CEP290: variants seen among roughly 807,000 people sequenced by gnomAD.
CEP290 encodes centrosomal protein of 290 kDa.
A neutral mutation model predicts 344.9 loss-of-function variants in CEP290; 317 were observed. The ratio of observed to expected loss-of-function variants is 0.92; its 90% CI spans 0.84 to 1.01. The LOEUF (loss-of-function observed/expected upper bound fraction) is 1.01, where lower values mean the gene tolerates loss of function less well. Among genes scored for constraint, CEP290 ranks in the 50% least tolerant of loss-of-function variants. The probability of loss-of-function intolerance (pLI) is 0.00; values close to 1 mark genes in which losing one functional copy is unlikely to be tolerated. For missense variants in CEP290, 2,754 were observed against 2,761.4 expected (o/e 1.00, Z 0.06); for synonymous variants, 932 against 895.8 (o/e 1.04, Z -0.72).
chr12:88,088,177 C>G (rs910605701), intron 31 of CEP290, among the ~76,000 whole-genome samples: 1 of 152,156 alleles, frequency 6.6e-6, no homozygotes, highest in Non-Finnish European at 1.5e-5. Flanking sequence ...GAATGGACAT[C>G]ACTAATATTC....
intron 43 of CEP290, among the ~76,000 whole-genome samples, chr12:88,069,232 T>C (rs747964501): frequency 2.6e-5 from 4 of 152,184 alleles, no homozygotes; most frequent in Non-Finnish European, 4.4e-5. Context: ...CTCTTATCTC[T>C]GCTAGGGTTC....
chr12:88,067,880 A>C (rs1054421404), intron 44 of CEP290, among the ~76,000 whole-genome samples: 2 of 152,222 alleles, frequency 1.3e-5, no homozygotes, highest in Admixed American at 1.3e-4. Flanking sequence ...CCAATTATGT[A>C]AGTCATCTTT....
chr12:88,127,956 CA>C (rs1195887211), intron 11 of CEP290, among the ~76,000 whole-genome samples: 1 of 152,134 alleles, frequency 6.6e-6, no homozygotes, highest in African/African-American at 2.4e-5. Context: ...ATACATATAA[CA>C]TGTCACCATT....
intron 20 of CEP290, among the ~76,000 whole-genome samples, 167 bp downstream of exon 20, chr12:88,114,251 TAG>T (rs2038903506): frequency 1.3e-5 from 2 of 152,060 alleles, no homozygotes; most frequent in Admixed American, 6.5e-5. Context: ...ATCCAATTGG[TAG>T]AAGAAAAGTA....
intron 1 of CEP290, 128 bp from the exon 2 acceptor site, chr12:88,141,462 A>ACAAAATAGACAAGTGGG: frequency 2.2e-6 from 1 of 460,344 alleles, no homozygotes; most frequent in South Asian, 4.6e-5. Flanking sequence ...CAATTGGGCC[A>ACAAAATAGACAAGTGGG]CAAAATAGAC....
chr12:88,132,540 T>C (rs538547607), intron 6 of CEP290, among the ~76,000 whole-genome samples: 1 of 152,318 alleles, frequency 6.6e-6, no homozygotes, highest in Non-Finnish European at 1.5e-5. Context: ...CAAGCTGAAA[T>C]ATTTAAGTGC....
chr12:88,131,109 G>T, intron 7 of CEP290, 56 bp downstream of exon 7: 2 of 1,280,822 alleles, frequency 1.6e-6, no homozygotes, highest in Non-Finnish European at 2.1e-6. Context: ...GTAAACTTAG[G>T]TACTTATTTT....
intron 28 of CEP290, among the ~76,000 whole-genome samples, chr12:88,093,128 C>T (rs1292423814): frequency 6.6e-6 from 1 of 152,006 alleles, no homozygotes; most frequent in East Asian, 1.9e-4. Flanking sequence ...GCAATCTGCT[C>T]ATTATATTTT....
intron 28 of CEP290, among the ~76,000 whole-genome samples, chr12:88,093,094 C>G (rs2037169704): frequency 6.6e-6 from 1 of 152,048 alleles, no homozygotes; most frequent in Non-Finnish European, 1.5e-5. Flanking sequence ...TCTGAACTTG[C>G]AATATTCTTA....
chr12:88,072,785 G>C (rs1162037627), intron 41 of CEP290, among the ~76,000 whole-genome samples: 1 of 152,034 alleles, frequency 6.6e-6, no homozygotes, highest in African/African-American at 2.4e-5. Context: ...AATAAAATCA[G>C]ATAAAAAAGT....
intron 27 of CEP290, 151 bp downstream of exon 27, chr12:88,096,737 C>T (rs2037460076): frequency 2.0e-6 from 1 of 510,888 alleles, no homozygotes; most frequent in South Asian, 2.9e-5. Flanking sequence ...CAGGATTATT[C>T]ATCTGCCTAA....
At chr12:88,098,504 T>C (rs2037627703) in intron 26 of CEP290, among the ~76,000 whole-genome samples, 1 of 151,586 alleles carries the variant, frequency 6.6e-6, no homozygotes, top group African/African-American at 2.4e-5. Flanking sequence ...CCCAGCTATT[T>C]TGGAGGCTGA....
chr12:88,118,583 AAT>A lies in CEP290; in HGVS notation c.1624-15_1624-14del. ...CTAGACTTTCAATCTGCAAAGTATAAATTATTAGTATTTCTCTATAGTTCAGC... is the reference window on the plus strand; with the variant it reads ...CTAGACTTTCAATCTGCAAAGTATAATATTAGTATTTCTCTATAGTTCAGC... On this transcript the variant is annotated splice_polypyrimidine_tract_variant and intron_variant, in intron 16 of 53. Coordinates refer to ENST00000552810, the MANE Select transcript of CEP290 (RefSeq NM_025114.4). 6.2e-7 allele frequency: 1 copy of A among 1,607,892 alleles called. No individual in the cohort carries two copies. Among genetic ancestry groups the A allele is most frequent in the Non-Finnish European group, 8.5e-7 (1 of 1,175,822 alleles).
intron 26 of CEP290, among the ~76,000 whole-genome samples, chr12:88,098,664 T>A (rs1181609296): frequency 6.6e-6 from 1 of 151,224 alleles, no homozygotes; most frequent in Non-Finnish European, 1.5e-5. Flanking sequence ...ACTGAGCCAG[T>A]GAATAATAGA....
At chr12:88,131,972 A>C (rs1274383614) in intron 6 of CEP290, among the ~76,000 whole-genome samples, 1 of 152,218 alleles carries the variant, frequency 6.6e-6, no homozygotes. Context: ...GCCTAGGTTT[A>C]TGTCCCTCAT....
intron 34 of CEP290, among the ~76,000 whole-genome samples, chr12:88,085,652 A>C (rs1375206530): frequency 1.3e-5 from 2 of 152,148 alleles, no homozygotes; most frequent in East Asian, 3.8e-4. Flanking sequence ...ATTTACCTTC[A>C]ACCCTTTAAC....
intron 11 of CEP290, 48 bp from the exon 12 acceptor site, chr12:88,126,486 A>G (rs2039738958): frequency 5.5e-6 from 7 of 1,283,482 alleles, no homozygotes; most frequent in Non-Finnish European, 7.4e-6. Flanking sequence ...AAAGTTAATA[A>G]AACATTCTTC....
chr12:88,110,960 A>T (rs1195668962), intron 22 of CEP290, among the ~76,000 whole-genome samples: 1 of 152,180 alleles, frequency 6.6e-6, no homozygotes, highest in South Asian at 2.1e-4. Context: ...AATGGTATAA[A>T]TTGCTTTTAT....
intron 1 of CEP290, among the ~76,000 whole-genome samples, chr12:88,141,545 G>A (rs2040669182): frequency 6.6e-6 from 1 of 152,062 alleles, no homozygotes; most frequent in Admixed American, 6.5e-5. Context: ...TAAATAAAAT[G>A]TGACGGCTTC....
Sources: gnomAD v4.1 joint callset for allele counts (sites outside exome capture counted in the v4.1 genomes callset) on GRCh38, gnomAD v4.1.1 for gene constraint, MANE v1.5 for transcripts, NCBI Gene and HGNC (gene_info 2026-07-23, HGNC 2026-07-21) for gene names.